Variants in CCDC171 observed in about 807,000 individuals in gnomAD.
CCDC171 encodes the protein coiled-coil domain containing 171.
CCDC171 carries 177 observed loss-of-function variants against 168.2 expected under a neutral mutation model. The observed-to-expected ratio is 1.05, with a 90% CI of 0.93 to 1.19. The LOEUF (loss-of-function observed/expected upper bound fraction) is 1.19. Ranked by LOEUF, CCDC171 falls within the 50% of genes most tolerant of loss-of-function variation. CCDC171 has a pLI of 0.00. For missense variants in CCDC171, 1,991 were observed against 1,539.0 expected (o/e 1.29, Z -4.91); for synonymous variants, 687 against 540.8 (o/e 1.27, Z -3.75).
In CCDC171 at chr9:15,778,733, A is replaced by C. The variant is rs563770340; in HGVS notation, c.2899-235A>C. ...CTGCAACAGAATTGTATGAGACCTA[A>C]ACAGCTGTCAATTTCATTTTTAGCT... is the stretch of plus-strand genomic sequence containing the variant. On this transcript the variant is annotated intron_variant, in intron 19 of 25. Transcript: ENST00000380701. Among the ~76,000 whole-genome samples, 7 of 152,104 alleles carry C rather than the reference A, an allele frequency of 4.6e-5. No homozygotes were observed. In the East Asian group the frequency reaches 1.3e-3, roughly 29 times the overall value.
intron 7 of CCDC171, among the ~76,000 whole-genome samples, chr9:15,625,138 C>A (rs1426373525): frequency 6.6e-6 from 1 of 152,082 alleles, no homozygotes; most frequent in Non-Finnish European, 1.5e-5. Context: ...CTGTTCATAT[C>A]CTTCGCCCAC....
chr9:15,999,865 G>T (rs995539178), intron 3 of CCDC171, among the ~76,000 whole-genome samples: 9 of 152,020 alleles, frequency 5.9e-5, no homozygotes, highest in African/African-American at 2.2e-4. Flanking sequence ...AGGCTCCTAT[G>T]ACTCAGCTTG....
chr9:15,592,437 A>T (rs780517677), intron 5 of CCDC171, among the ~76,000 whole-genome samples: 14 of 152,196 alleles, frequency 9.2e-5, no homozygotes, highest in Non-Finnish European at 1.9e-4. Flanking sequence ...GAATTCTGGA[A>T]ATGTGTCTTT....
chr9:15,790,218 G>A (rs1486572644), intron 21 of CCDC171, among the ~76,000 whole-genome samples: 3 of 152,086 alleles, frequency 2.0e-5, no homozygotes, highest in African/African-American at 7.2e-5. Context: ...TCCCACCAAT[G>A]GTGTAAAAGT....
chr9:16,027,896 G>A (rs1234880813), intron 6 of CCDC171, among the ~76,000 whole-genome samples: 1 of 152,156 alleles, frequency 6.6e-6, no homozygotes, highest in African/African-American at 2.4e-5. Context: ...TGTCTGTATG[G>A]AAAGCTCCAC....
At chr9:15,793,551 G>GTTT (rs3082839) in intron 21 of CCDC171, among the ~76,000 whole-genome samples, 1,992 of 77,048 alleles carry the variant, frequency 0.026, 522 homozygotes, top group African/African-American at 0.074. Flanking sequence ...TTATTCCAAG[G>GTTT]TTTTTTTTTT....
At chr9:15,691,517 G>C (rs1317076629) in intron 10 of CCDC171, among the ~76,000 whole-genome samples, 1 of 98,642 alleles carries the variant, frequency 1.0e-5, no homozygotes, top group Non-Finnish European at 2.0e-5. Flanking sequence ...AATATTTAAT[G>C]ATTAAAAATA....
chr9:15,633,338 C>G (rs1287374625), intron 7 of CCDC171, among the ~76,000 whole-genome samples: 2 of 152,108 alleles, frequency 1.3e-5, no homozygotes, highest in East Asian at 3.8e-4. Context: ...AAAAAACAAA[C>G]AACCCCATCA....
downstream of CCDC171, among the ~76,000 whole-genome samples, chr9:16,065,830 G>A (rs1362791952): frequency 6.6e-6 from 1 of 151,628 alleles, no homozygotes; most frequent in African/African-American, 2.4e-5. Context: ...GTGTGTGTGT[G>A]TGTGTGTGTG....
chr9:15,747,134 G>A (rs1289346057), intron 18 of CCDC171, among the ~76,000 whole-genome samples: 4 of 152,226 alleles, frequency 2.6e-5, no homozygotes, highest in African/African-American at 9.6e-5. Context: ...TGTAAACCAA[G>A]TTGCCGGGAA....
At chr9:15,680,007 A>G (rs746935256) in intron 10 of CCDC171, among the ~76,000 whole-genome samples, 10 of 152,086 alleles carry the variant, frequency 6.6e-5, no homozygotes, top group African/African-American at 1.7e-4. Context: ...CTGTGATTCT[A>G]TCTTCTCCAC....
intron 5 of CCDC171, 60 bp from the exon 6 acceptor site, chr9:15,593,981 G>T: frequency 8.7e-7 from 1 of 1,149,202 alleles, no homozygotes; most frequent in Non-Finnish European, 1.3e-6. Flanking sequence ...TTTAAACTGG[G>T]GATGAAGGAA....
chr9:15,575,476 C>G (rs1450902717), intron 3 of CCDC171, among the ~76,000 whole-genome samples: 1 of 152,078 alleles, frequency 6.6e-6, no homozygotes, highest in African/African-American at 2.4e-5. Context: ...ACTCGGCTGA[C>G]ATAACTTCTT....
At chr9:15,627,891 T>A (rs948210051) in intron 7 of CCDC171, among the ~76,000 whole-genome samples, 1 of 152,178 alleles carries the variant, frequency 6.6e-6, no homozygotes, top group Non-Finnish European at 1.5e-5. Flanking sequence ...TTCGTCTAGT[T>A]GATCTGTCTA....
At chr9:15,729,573 G>A in intron 15 of CCDC171, 37 bp from the exon 16 acceptor site, 1 of 1,382,698 alleles carries the variant, frequency 7.2e-7, no homozygotes, top group Non-Finnish European at 9.9e-7. Context: ...AATAGCTTGT[G>A]AGCATATTTC....
downstream of CCDC171, among the ~76,000 whole-genome samples, chr9:16,063,304 C>G (rs1833956565): frequency 6.6e-6 from 1 of 152,114 alleles, no homozygotes; most frequent in Non-Finnish European, 1.5e-5. Flanking sequence ...ACATCACTAC[C>G]TGGCGGGCAG....
intron 16 of CCDC171, among the ~76,000 whole-genome samples, chr9:15,740,046 GT>G (rs997148104): frequency 1.3e-5 from 2 of 151,724 alleles, no homozygotes; most frequent in African/African-American, 2.4e-5. Context: ...CCTCCAATGT[GT>G]TTTTTTTAAA....
rs1302120864 is a variant in CCDC171, at chr9:15,820,841, C to G, written c.3268-25861C>G. 1.1e-4 allele frequency among the ~76,000 whole-genome samples: 13 copies of G among 116,734 alleles called. 4 individuals carry two copies. The highest frequency in any genetic ancestry group is 4.2e-4 in the African/African-American group (13 of 30,964). 76.6% of individuals were successfully genotyped at this position (116,734 alleles called of 152,430 possible). On this transcript the variant is annotated intron_variant, in intron 21 of 25. Coordinates refer to ENST00000380701, the MANE Select transcript of CCDC171 (RefSeq NM_173550.4). ...ATCCTCCCTAACTCATTTTATGAGG[C>G]CAGCATCATCCTGATACCAAAGCGT...
At chr9:16,088,485 C>T in the CCDC171 span, among the ~76,000 whole-genome samples, 1 of 152,126 alleles carries the variant, frequency 6.6e-6, no homozygotes, top group African/African-American at 2.4e-5. Flanking sequence ...TGTCTCAGCC[C>T]AAAATCTCCT....
Sources: allele counts gnomAD v4.1 joint callset (sites outside exome capture counted in the v4.1 genomes callset), GRCh38; gene constraint gnomAD v4.1.1; transcripts MANE v1.5; gene names NCBI Gene and HGNC (gene_info 2026-07-23, HGNC 2026-07-21).